The following CLCC1 variants were observed in gnomAD, a reference collection of about 807,000 sequenced individuals.
The protein encoded by CLCC1 is chloride channel CLIC like 1, also known as chloride channel CLIC-like protein 1.
Under a neutral mutation model 63.3 loss-of-function variants are expected in CLCC1, and 39 were observed. The ratio of observed to expected loss-of-function variants is 0.62; its 90% CI spans 0.48 to 0.81. The LOEUF (loss-of-function observed/expected upper bound fraction) is 0.81. Among genes scored for constraint, CLCC1 ranks in the 30% least tolerant of loss-of-function variants. CLCC1 has a pLI of 0.00. For synonymous variants in CLCC1, 217 were observed against 239.8 expected, an observed-to-expected ratio of 0.90 and a Z score of 0.88; for missense variants, 549 against 669.4, an observed-to-expected ratio of 0.82 and a Z score of 1.98.
chr1:108,944,314 TC>T (rs1654241700), intron 5 of CLCC1, among the ~76,000 whole-genome samples: 1 of 152,006 alleles, frequency 6.6e-6, no homozygotes, highest in Non-Finnish European at 1.5e-5. Context: ...TACAAAAAAT[TC>T]TAACCATTAG....
chr1:108,946,582 G>A (rs1197215490), intron 5 of CLCC1, among the ~76,000 whole-genome samples: 1 of 152,134 alleles, frequency 6.6e-6, no homozygotes, highest in Admixed American at 6.5e-5. Flanking sequence ...CTGTGCTGAT[G>A]CAAGGGCCTT....
At chr1:108,934,590 C>A in intron 12 of CLCC1, 35 bp downstream of exon 12, 1 of 1,484,382 alleles carries the variant, frequency 6.7e-7, no homozygotes, top group Non-Finnish European at 9.0e-7. Flanking sequence ...AGAATTCTTG[C>A]AGAGAAGAGA....
intron 7 of CLCC1, among the ~76,000 whole-genome samples, chr1:108,942,779 T>C (rs963185846): frequency 3.2e-4 from 49 of 152,382 alleles, no homozygotes; most frequent in Admixed American, 1.5e-3. Context: ...CTGCCATGAA[T>C]ATACCACTTA....
At chr1:108,939,376 G>A (rs1198596345) in intron 10 of CLCC1, among the ~76,000 whole-genome samples, 3 of 147,156 alleles carry the variant, frequency 2.0e-5, no homozygotes, top group Non-Finnish European at 3.0e-5. Flanking sequence ...GTGCGATCTC[G>A]GCTCACTGCA....
chr1:108,955,054 A>G (rs1013294731), intron 2 of CLCC1, among the ~76,000 whole-genome samples: 1 of 150,892 alleles, frequency 6.6e-6, no homozygotes, highest in African/African-American at 2.5e-5. Context: ...GGATTTCTCC[A>G]TGTTGGTCTT....
rs754645910 is a variant in CLCC1, at chr1:108,929,804, G to A, written c.*2743C>T. 1.9e-6 allele frequency: 3 copies of A among 1,614,096 alleles called. No homozygotes were observed. The highest frequency in any genetic ancestry group is 2.2e-5 in the South Asian group (2 of 91,078). ...TTCAGCCTTATTTTACGGTCCCAGGGAAAGAGAATGGATGAACAGAGAGTT... is the reference window on the plus strand; with the variant it reads ...TTCAGCCTTATTTTACGGTCCCAGGAAAAGAGAATGGATGAACAGAGAGTT... On this transcript the variant is annotated 3_prime_UTR_variant, in exon 13 of 13. Coordinates refer to ENST00000369969, the MANE Select transcript of CLCC1 (RefSeq NM_001377458.1).
intron 12 of CLCC1, 63 bp from the exon 13 acceptor site, chr1:108,932,564 G>C (rs2101595867): frequency 6.6e-6 from 1 of 152,272 alleles, no homozygotes; most frequent in Non-Finnish European, 1.5e-5. Flanking sequence ...ATTTGGTTTT[G>C]GATTAAAAGG....
intron 5 of CLCC1, among the ~76,000 whole-genome samples, chr1:108,947,032 C>T (rs1339692949): frequency 1.3e-5 from 2 of 151,986 alleles, no homozygotes; most frequent in African/African-American, 4.8e-5. Context: ...GGCATGGTGG[C>T]AGGTGCCTGT....
At chr1:108,961,719 C>T (rs1334406193) in intron 2 of CLCC1, among the ~76,000 whole-genome samples, 1 of 152,034 alleles carries the variant, frequency 6.6e-6, no homozygotes, top group Non-Finnish European at 1.5e-5. Flanking sequence ...AGTAGCAGGG[C>T]GTGGTGGCGC....
At chr1:108,953,809 G>A (rs138501286) in intron 2 of CLCC1, among the ~76,000 whole-genome samples, 7,854 of 151,996 alleles carry the variant, frequency 0.052, 286 homozygotes, top group Non-Finnish European at 0.072. Context: ...TCAGGAGTTC[G>A]AGACCAGCCT....
At chr1:108,936,791 T>C (rs760200473) in intron 11 of CLCC1, among the ~76,000 whole-genome samples, 11 of 152,352 alleles carry the variant, frequency 7.2e-5, no homozygotes, top group African/African-American at 2.4e-4. Flanking sequence ...AAGATAGAAA[T>C]TTCTGTCATG....
chr1:108,937,272 G>A lies in CLCC1; in HGVS notation c.1188C>T (p.Ala396=), dbSNP rs757643802. 1.5e-5 allele frequency: 24 copies of A among 1,614,116 alleles called. No individual in the cohort carries two copies. Among genetic ancestry groups the A allele is most frequent in the Middle Eastern group, 1.6e-4 (1 of 6,062 alleles). Residue 396 remains alanine (A), a synonymous_variant, in exon 11 of 13, where the codon GCC becomes GCT. Coordinates refer to ENST00000369969, the MANE Select transcript of CLCC1 (RefSeq NM_001377458.1). ...CCATTTGGCCCCTATAATGGAAATC[G>A]GCATCACCTGCTCCACCATCAGGTC... ...DYRPDGGAGD[A]DFHYRGQMGP...
chr1:108,946,990 C>T (rs190767645), intron 5 of CLCC1, among the ~76,000 whole-genome samples: 6 of 152,074 alleles, frequency 3.9e-5, no homozygotes, highest in African/African-American at 9.6e-5. Context: ...ATGGCAAAAC[C>T]CCATCTCTAC....
At chr1:108,939,562 G>C in intron 10 of CLCC1, 74 bp downstream of exon 10, 1 of 1,362,764 alleles carries the variant, frequency 7.3e-7, no homozygotes, top group Non-Finnish European at 1.0e-6. Context: ...GCCCGCCTAG[G>C]CCTCCCAAAG....
At chr1:108,936,910 A>C (rs1408001157) in intron 11 of CLCC1, among the ~76,000 whole-genome samples, 167 bp downstream of exon 11, 1 of 152,214 alleles carries the variant, frequency 6.6e-6, no homozygotes, top group Non-Finnish European at 1.5e-5. Flanking sequence ...ATTTCTTCTG[A>C]GGAAGCTGAA....
intron 2 of CLCC1, among the ~76,000 whole-genome samples, chr1:108,953,122 T>C (rs1247794741): frequency 2.0e-5 from 3 of 152,222 alleles, no homozygotes; most frequent in Admixed American, 6.5e-5. Context: ...GCCTATCTTA[T>C]ACCTACTACA....
chr1:108,939,735 A>G lies in CLCC1; in HGVS notation c.942T>C (p.His314=), dbSNP rs1297754654. 2.5e-6 allele frequency: 4 copies of G among 1,614,036 alleles called. No individual in the cohort carries two copies. In the Admixed American group the frequency reaches 6.7e-5, roughly 27 times the overall value. The change falls in exon 10 of 13, where the codon CAT becomes CAC. Residue 314 remains histidine, a synonymous_variant. Transcript: ENST00000369969. ...FTTFVTEPLK[H]IGKGTGEFIK... ...TAAATTCCCCAGTTCCTTTTCCAATATGCTTCAATGGCTCCGTTACAAATG... is the reference window on the plus strand; with the variant it reads ...TAAATTCCCCAGTTCCTTTTCCAATGTGCTTCAATGGCTCCGTTACAAATG...
intron 2 of CLCC1, among the ~76,000 whole-genome samples, chr1:108,956,437 G>A (rs530842598): frequency 6.0e-4 from 91 of 151,338 alleles, no homozygotes; most frequent in Middle Eastern, 3.4e-3. Flanking sequence ...TGAGGCAGGC[G>A]GATCACAAGG....
At chr1:108,939,249 TAG>T (rs1409447957) in intron 10 of CLCC1, among the ~76,000 whole-genome samples, 1 of 145,454 alleles carries the variant, frequency 6.9e-6, no homozygotes, top group Non-Finnish European at 1.5e-5. Context: ...TATATAAATA[TAG>T]ACAGATATAT....
Sources: gnomAD v4.1 joint callset for allele counts (sites outside exome capture counted in the v4.1 genomes callset) on GRCh38, gnomAD v4.1.1 for gene constraint, MANE v1.5 for transcripts, NCBI Gene and HGNC (gene_info 2026-07-23, HGNC 2026-07-21) for gene names.